The following CACNA1B variants were observed in gnomAD, a reference collection of about 807,000 sequenced individuals.
CACNA1B encodes the protein voltage-dependent N-type calcium channel subunit alpha-1B.
Under a neutral mutation model 247.2 loss-of-function variants are expected in CACNA1B, and 70 were observed. The observed-to-expected ratio is 0.28, with a 90% CI of 0.23 to 0.35. The LOEUF is 0.35. Ranked by LOEUF, CACNA1B falls within the 10% of genes least tolerant of loss-of-function variation. The pLI is 1.00. For missense variants in CACNA1B, 2,367 were observed against 3,197.4 expected (o/e 0.74, Z 6.26); for synonymous variants, 1,231 against 1,294.4 (o/e 0.95, Z 1.05).
At chr9:137,980,988 C>T (rs192506315) in intron 12 of CACNA1B, among the ~76,000 whole-genome samples, 15 of 152,204 alleles carry the variant, frequency 9.9e-5, no homozygotes, top group African/African-American at 3.1e-4. Context: ...TTTGGTAGAA[C>T]GAGTTATAGT....
In CACNA1B at chr9:137,957,443, AG is replaced by A. The variant is rs1277086261; in HGVS notation, c.1244-150del. Among the ~76,000 whole-genome samples the A allele has an allele frequency of 6.6e-6, 1 of 152,152 alleles. No homozygotes were observed. The highest frequency in any genetic ancestry group is 1.5e-5 in the Non-Finnish European group (1 of 68,014). The stretch of plus-strand genomic sequence containing the variant: ...AGCTCTGGGGACTGGGAGGGACCCA[AG>A]GGGGCCCACAATCATCCGGCCTCAG... On this transcript the variant is annotated intron_variant, in intron 9 of 46. Coordinates refer to ENST00000371372, the MANE Select transcript of CACNA1B (RefSeq NM_000718.4). The surrounding 1 kb of genome is among the most constrained non-coding windows in gnomAD (Gnocchi z 4.7).
In CACNA1B at chr9:138,120,377, G is replaced by T. The variant is rs200948733; in HGVS notation, c.6238+5G>T. The stretch of plus-strand genomic sequence containing the variant: ...TGTCTGCCGATATGGATGGCGGTGC[G>T]TGCGGAGGGGCCCGGGGAGTCCTTC... On this transcript the variant is annotated splice_donor_5th_base_variant and intron_variant, in intron 45 of 46. Transcript: ENST00000371372. The T allele has an allele frequency of 1.9e-6, 3 of 1,543,084 alleles. No homozygotes were observed. Among genetic ancestry groups the T allele is most frequent in the Non-Finnish European group, 2.6e-6 (3 of 1,150,250 alleles).
At chr9:138,075,559 C>T (rs977789022) in intron 34 of CACNA1B, among the ~76,000 whole-genome samples, 4 of 152,230 alleles carry the variant, frequency 2.6e-5, no homozygotes, top group South Asian at 2.1e-4. Flanking sequence ...AAACTTAGCT[C>T]GGGGCCGTTC....
intron 36 of CACNA1B, among the ~76,000 whole-genome samples, chr9:138,084,172 G>T (rs374041612): frequency 2.0e-5 from 3 of 150,964 alleles, no homozygotes; most frequent in Non-Finnish European, 4.4e-5. Context: ...ACCCAACTCT[G>T]CCCCAGGGAG....
chr9:138,024,881 G>C, intron 19 of CACNA1B, 74 bp from the exon 20 acceptor site: 1 of 1,041,278 alleles, frequency 9.6e-7, no homozygotes, highest in Non-Finnish European at 1.4e-6. Context: ...TGATCCTCCT[G>C]CCTCTGCCTC....
chr9:137,935,561 CAT>C (rs1406300615), intron 6 of CACNA1B, among the ~76,000 whole-genome samples: 1 of 152,210 alleles, frequency 6.6e-6, no homozygotes, highest in East Asian at 1.9e-4. Flanking sequence ...CCACAATAAA[CAT>C]ATGTGTGCAT....
intron 36 of CACNA1B, among the ~76,000 whole-genome samples, chr9:138,093,255 A>G (rs1960938155): frequency 1.3e-5 from 2 of 152,048 alleles, no homozygotes; most frequent in African/African-American, 4.8e-5. Flanking sequence ...CCCTGTCTCT[A>G]CTAAAAATAC....
At position 138,114,545 on chromosome 9, in the gene CACNA1B, C is replaced by T. The variant is rs990024842; in HGVS notation, c.5649+55C>T. 2.5e-5 allele frequency: 22 copies of T among 884,656 alleles called. No individual in the cohort carries two copies. The East Asian group carries it at 3.1e-4, about 13-fold the overall frequency. 54.8% of individuals were successfully genotyped at this position (884,656 alleles called of 1,614,324 possible). Reference sequence around the variant, plus strand: ...AACTGTGATGCCTCCGAGGCTCTGGCATCCTTCGGGGGGTTGACGACGGGG... The same window carrying T: ...AACTGTGATGCCTCCGAGGCTCTGGTATCCTTCGGGGGGTTGACGACGGGG... On this transcript the variant is annotated intron_variant, in intron 41 of 46. Coordinates refer to ENST00000371372, the MANE Select transcript of CACNA1B (RefSeq NM_000718.4).
At position 138,046,890 on chromosome 9, in the gene CACNA1B, G is replaced by A. The variant is rs200634383; in HGVS notation, c.3414-14G>A. Reference sequence around the variant, plus strand: ...GCTGGGGGGCCTTGTGGTGATCCGTGCCTTCCCTCACAGGCTCCGCCGCTT... The same window carrying A: ...GCTGGGGGGCCTTGTGGTGATCCGTACCTTCCCTCACAGGCTCCGCCGCTT... On this transcript the variant is annotated splice_polypyrimidine_tract_variant and intron_variant, in intron 21 of 46. Transcript: ENST00000371372. 318 of 1,612,390 alleles carry A rather than the reference G, an allele frequency of 2.0e-4. 1 individual carries two copies. The African/African-American group carries it at 3.6e-3, about 18-fold the overall frequency.
chr9:137,882,138 G>A lies in CACNA1B; in HGVS notation c.391-606G>A, dbSNP rs1223597746. ...GAGATGTGCATGTTCTGGTTACCCG[G>A]GTGCATGTTGAATGCATAAACGGGG... On this transcript the variant is annotated intron_variant, in intron 2 of 46. Coordinates refer to ENST00000371372, the MANE Select transcript of CACNA1B (RefSeq NM_000718.4). This position sits in a 1 kb window ranked among gnomAD's most constrained non-coding sequence, Gnocchi z 4.0. 6.6e-6 allele frequency among the ~76,000 whole-genome samples: 1 copy of A among 152,120 alleles called. No homozygotes were observed. The highest frequency in any genetic ancestry group is 6.5e-5 in the Admixed American group (1 of 15,270).
chr9:137,928,662 T>C lies in CACNA1B; in HGVS notation c.966+11231T>C, dbSNP rs146951899. Among the ~76,000 whole-genome samples, 571 of 152,336 alleles carry C rather than the reference T, an allele frequency of 3.7e-3. 5 individuals carry two copies. Among genetic ancestry groups the C allele is most frequent in the African/African-American group, 0.013 (550 of 41,572 alleles). Reference sequence around the variant, plus strand: ...TACCATAAAATTCACCATTTTAAAGTTTACAGTTTACAGTTCAGAGTTTTT... The same window carrying C: ...TACCATAAAATTCACCATTTTAAAGCTTACAGTTTACAGTTCAGAGTTTTT... On this transcript the variant is annotated intron_variant, in intron 6 of 46. Transcript: ENST00000371372.
In CACNA1B at chr9:138,057,648, C is replaced by G. The variant is rs1258457075; in HGVS notation, c.3969-84C>G. On this transcript the variant is annotated intron_variant, in intron 26 of 46. Coordinates refer to ENST00000371372, the MANE Select transcript of CACNA1B (RefSeq NM_000718.4). The surrounding 1 kb of genome is among the most constrained non-coding windows in gnomAD (Gnocchi z 4.0). ...TGTTGGAGAGGCCATTCTTTCCCCACGGAATGGTTTCAACACTCTTGATAG... is the reference window on the plus strand; with the variant it reads ...TGTTGGAGAGGCCATTCTTTCCCCAGGGAATGGTTTCAACACTCTTGATAG... The G allele has an allele frequency of 1.5e-6, 2 of 1,358,798 alleles. No individual in the cohort carries two copies. Among genetic ancestry groups the G allele is most frequent in the Non-Finnish European group, 2.0e-6 (2 of 987,098 alleles). The allele number at this position is 1,358,798 out of a possible 1,614,324, so 84.2% of individuals were successfully genotyped here. A position where few individuals can be genotyped will look rare whatever the true frequency, so the allele number is the denominator to read the frequency against.
intron 20 of CACNA1B, among the ~76,000 whole-genome samples, chr9:138,031,747 T>C (rs1211305399): frequency 6.6e-6 from 1 of 152,202 alleles, no homozygotes; most frequent in East Asian, 1.9e-4. Context: ...TTAATTGTTG[T>C]GTAACGTCCT....
chr9:137,938,936 T>C (rs1251011405), intron 6 of CACNA1B, among the ~76,000 whole-genome samples: 1 of 152,030 alleles, frequency 6.6e-6, no homozygotes, highest in South Asian at 2.1e-4. Context: ...CCAGGTGTGG[T>C]GGCAGGCTCC....
intron 38 of CACNA1B, among the ~76,000 whole-genome samples, chr9:138,105,231 G>C (rs1825595429): frequency 6.6e-6 from 1 of 152,184 alleles, no homozygotes; most frequent in Admixed American, 6.5e-5. Flanking sequence ...CTGGGAGCTG[G>C]GCCCCAGAGA....
rs749062909 is a variant in CACNA1B at position 138,102,835 on chromosome 9, C to G, written c.5319+28C>G. ...AGACCCTGACCCTGCAACCCGCCCCCCAGGAGGCTGTGTGTGCTTGCTGAG... is the reference window on the plus strand; with the variant it reads ...AGACCCTGACCCTGCAACCCGCCCCGCAGGAGGCTGTGTGTGCTTGCTGAG... On this transcript the variant is annotated intron_variant, in intron 38 of 46. Transcript: ENST00000371372. The surrounding 1 kb of genome is among the most constrained non-coding windows in gnomAD (Gnocchi z 5.4). The G allele has an allele frequency of 2.1e-6, 3 of 1,454,474 alleles. No individual in the cohort carries two copies. Among genetic ancestry groups the G allele is most frequent in the African/African-American group, 1.4e-5 (1 of 71,656 alleles). The allele number at this position is 1,454,474 out of a possible 1,614,324, so 90.1% of individuals were successfully genotyped here.
intron 39 of CACNA1B, among the ~76,000 whole-genome samples, chr9:138,107,908 C>T (rs1234481941): frequency 6.6e-6 from 1 of 151,564 alleles, no homozygotes. Context: ...TGGCGTGAAC[C>T]CAGGAGGCAG....
chr9:138,120,680 A>T lies in CACNA1B; in HGVS notation c.6288A>T (p.Thr2096=). The change falls in exon 46 of 47, where the codon ACA becomes ACT. Residue 2096 remains threonine, a synonymous_variant. Coordinates refer to ENST00000371372, the MANE Select transcript of CACNA1B (RefSeq NM_000718.4). ...GPGLPPGEGP[T]GCRRERERRQ... is the part of the protein sequence containing the mutation. Reference sequence around the variant, plus strand: ...GGCTGCCCCCGGGAGAGGGGCCTACAGGCTGCCGGCGGGAACGAGAGCGCC... The same window carrying T: ...GGCTGCCCCCGGGAGAGGGGCCTACTGGCTGCCGGCGGGAACGAGAGCGCC... 1 of 1,515,926 alleles carries T rather than the reference A, an allele frequency of 6.6e-7. No individual in the cohort carries two copies. Among genetic ancestry groups the T allele is most frequent in the South Asian group, 1.3e-5 (1 of 78,486 alleles). The allele number at this position is 1,515,926 out of a possible 1,614,324, so 93.9% of individuals were successfully genotyped here.
At chr9:138,095,234 T>C (rs1449782616) in intron 36 of CACNA1B, among the ~76,000 whole-genome samples, 1 of 152,218 alleles carries the variant, frequency 6.6e-6, no homozygotes, top group Non-Finnish European at 1.5e-5. Context: ...ATTCAGCATA[T>C]ATAAAGAACT....
Sources: allele counts gnomAD v4.1 joint callset (sites outside exome capture counted in the v4.1 genomes callset), GRCh38; gene constraint gnomAD v4.1.1; non-coding constraint Gnocchi (gnomAD v3.1); transcripts MANE v1.5; gene names NCBI Gene and HGNC (gene_info 2026-07-23, HGNC 2026-07-21).